The following ADAMTS17 variants were observed in gnomAD, a reference collection of about 807,000 sequenced individuals.
ADAMTS17 encodes the protein A disintegrin and metalloproteinase with thrombospondin motifs 17.
Under a neutral mutation model 141.5 loss-of-function variants are expected in ADAMTS17, and 113 were observed. The observed-to-expected ratio is 0.80, with a 90% CI of 0.69 to 0.93. The LOEUF (loss-of-function observed/expected upper bound fraction) is 0.93, where lower values mean the gene tolerates loss of function less well. Among genes scored for constraint, ADAMTS17 ranks in the 40% least tolerant of loss-of-function variants. ADAMTS17 has a pLI of 0.00. For missense variants in ADAMTS17, 1,659 were observed against 1,517.9 expected (o/e 1.09, Z -1.54); for synonymous variants, 768 against 630.6 (o/e 1.22, Z -3.27).
chr15:100,072,883 C>T (rs996363646), intron 15 of ADAMTS17, among the ~76,000 whole-genome samples: 7 of 152,180 alleles, frequency 4.6e-5, no homozygotes, highest in African/African-American at 1.7e-4. Context: ...AAAGCAATGG[C>T]AACAAAAGCC....
intron 8 of ADAMTS17, among the ~76,000 whole-genome samples, chr15:100,195,106 C>T (rs775027400): frequency 2.1e-4 from 32 of 152,360 alleles, no homozygotes; most frequent in Middle Eastern, 6.8e-3. Flanking sequence ...TAGCCTTTCA[C>T]GGGCAAGAAG....
intron 2 of ADAMTS17, among the ~76,000 whole-genome samples, chr15:100,337,715 C>A (rs894145202): frequency 3.3e-5 from 5 of 152,338 alleles, no homozygotes; most frequent in African/African-American, 1.2e-4. Flanking sequence ...AGACCAAACC[C>A]GACAGCAGGG....
At chr15:100,017,229 C>T (rs1187433855) in intron 18 of ADAMTS17, among the ~76,000 whole-genome samples, 2 of 152,198 alleles carry the variant, frequency 1.3e-5, no homozygotes, top group African/African-American at 4.8e-5. Context: ...CCCTCAACAG[C>T]CCCGAGTCTG....
At chr15:100,206,281 T>C (rs1308366254) in intron 7 of ADAMTS17, among the ~76,000 whole-genome samples, 2 of 152,166 alleles carry the variant, frequency 1.3e-5, no homozygotes, top group Non-Finnish European at 2.9e-5. Context: ...TGGCTGCACC[T>C]CAGCAGCACT....
chr15:100,273,830 TC>T (rs1012668335), intron 4 of ADAMTS17, among the ~76,000 whole-genome samples: 9 of 152,308 alleles, frequency 5.9e-5, no homozygotes, highest in Admixed American at 2.6e-4. Flanking sequence ...GCTATACATT[TC>T]CCCCTAAGCA....
At chr15:100,093,664 C>T (rs8038004) in intron 15 of ADAMTS17, among the ~76,000 whole-genome samples, 30,716 of 151,880 alleles carry the variant, frequency 0.2, 3,763 homozygotes, top group East Asian at 0.52. Flanking sequence ...TGCTGGGGGC[C>T]ACCCTCAGCT....
At chr15:100,302,383 T>C (rs985227677) in intron 3 of ADAMTS17, among the ~76,000 whole-genome samples, 1 of 152,228 alleles carries the variant, frequency 6.6e-6, no homozygotes, top group African/African-American at 2.4e-5. Context: ...CTTACTCAAG[T>C]TTCTGTGTGG....
At chr15:100,002,293 T>G (rs1236563395) in intron 18 of ADAMTS17, among the ~76,000 whole-genome samples, 3 of 152,012 alleles carry the variant, frequency 2.0e-5, no homozygotes, top group African/African-American at 7.3e-5. Context: ...AAAACGGCTT[T>G]GAGTCTGCTC....
chr15:100,009,231 A>AT (rs1337140624), intron 18 of ADAMTS17, among the ~76,000 whole-genome samples: 1 of 152,114 alleles, frequency 6.6e-6, no homozygotes, highest in African/African-American at 2.4e-5. Context: ...CCCTTTACAG[A>AT]GGGAGAAAAC....
chr15:100,144,543 C>T (rs1011519268), intron 10 of ADAMTS17, among the ~76,000 whole-genome samples: 6 of 151,584 alleles, frequency 4.0e-5, no homozygotes, highest in Admixed American at 3.9e-4. Context: ...GAGCAAGACT[C>T]CATCTCGAAA....
At chr15:99,977,396 ATATAATTTTTTTTTTTTT>A (rs2060381402) in intron 20 of ADAMTS17, among the ~76,000 whole-genome samples, 8 of 4,870 alleles carry the variant, frequency 1.6e-3, no homozygotes, top group African/African-American at 3.8e-3. Flanking sequence ...ATATATATAT[ATATAATTTTTTTTTTTTT>A]TTTTTTTTTT....
chr15:100,264,768 G>T (rs1325861955), intron 4 of ADAMTS17, among the ~76,000 whole-genome samples: 1 of 152,074 alleles, frequency 6.6e-6, no homozygotes, highest in Non-Finnish European at 1.5e-5. Context: ...CTAAAAAGGT[G>T]AGAGATGGAA....
At chr15:100,080,102 C>A (rs936362777) in intron 15 of ADAMTS17, among the ~76,000 whole-genome samples, 1 of 151,490 alleles carries the variant, frequency 6.6e-6, no homozygotes, top group Non-Finnish European at 1.5e-5. Context: ...AGGGGTGAAA[C>A]TGAACTGACA....
Position 100,292,130 on chromosome 15 carries a change from G to C in ADAMTS17, c.617-10729C>G, listed in dbSNP as rs202077675. 6.1e-3 allele frequency among the ~76,000 whole-genome samples: 844 copies of C among 137,334 alleles called. 10 individuals are homozygous for C. Among genetic ancestry groups the C allele is most frequent in the East Asian group, 0.024 (100 of 4,226 alleles). 90.1% of individuals were successfully genotyped at this position (137,334 alleles called of 152,430 possible). ...CGTGGGGAGTCACGAGAGACGCTCA[G>C]CCCGTGGGGAGTCACGAGACACGCT... On this transcript the variant is annotated intron_variant, in intron 3 of 21. Coordinates refer to ENST00000268070, the MANE Select transcript of ADAMTS17 (RefSeq NM_139057.4).
intron 18 of ADAMTS17, among the ~76,000 whole-genome samples, chr15:99,999,149 C>T (rs2060866649): frequency 6.6e-6 from 1 of 152,168 alleles, no homozygotes; most frequent in Non-Finnish European, 1.5e-5. Context: ...GTGCCAGGCA[C>T]CTTCTAGGTT....
chr15:100,226,374 G>C (rs2042314002), intron 7 of ADAMTS17, among the ~76,000 whole-genome samples: 1 of 152,254 alleles, frequency 6.6e-6, no homozygotes, highest in Non-Finnish European at 1.5e-5. Context: ...GGGAAAAGGA[G>C]GCTTGGCCCT....
chr15:100,261,776 C>A lies in ADAMTS17; in HGVS notation c.874-140G>T, dbSNP rs903661181. 1.4e-5 allele frequency: 13 copies of A among 955,140 alleles called. 1 individual carries two copies. Among genetic ancestry groups the A allele is most frequent in the East Asian group, 2.6e-5 (1 of 38,284 alleles). The allele number at this position is 955,140 out of a possible 1,614,324, so 59.2% of individuals were successfully genotyped here. A position where few individuals can be genotyped will look rare whatever the true frequency, so the allele number is the denominator to read the frequency against. On this transcript the variant is annotated intron_variant, in intron 5 of 21. Transcript: ENST00000268070. ...ATGACTCACGGCCCTCGAAGAAAAGCCTGATGCTAGTGGGTACGTGGCATA... is the reference window on the plus strand; with the variant it reads ...ATGACTCACGGCCCTCGAAGAAAAGACTGATGCTAGTGGGTACGTGGCATA...
rs564198367 is a variant in ADAMTS17 at position 100,051,662 on chromosome 15, C to T, written c.2365G>A (p.Glu789Lys). The T allele has an allele frequency of 8.1e-6, 13 of 1,614,220 alleles. No homozygotes were observed. The African/African-American group carries it at 1.6e-4, about 20-fold the overall frequency. Residue 789 changes from glutamate (E) to lysine (K), a missense_variant, in exon 17 of 22, where the codon GAA becomes AAA. Glu to Lys is a moderately conservative substitution (Grantham distance 56). Transcript: ENST00000268070. Reference sequence around the variant, plus strand: ...GGTTTTTCTGGTTCGCTTTGATTTTCCGCAGTGCGGTTTACAGGAACAGTG... The same window carrying T: ...GGTTTTTCTGGTTCGCTTTGATTTTTCGCAGTGCGGTTTACAGGAACAGTG... ...EYTVPVNRTAENQSEPEKPQD... is the reference protein window; with the variant it reads ...EYTVPVNRTAKNQSEPEKPQD...
chr15:99,974,641 G>T, intron 21 of ADAMTS17, 79 bp from the exon 22 acceptor site: 2 of 1,579,806 alleles, frequency 1.3e-6, no homozygotes, highest in Non-Finnish European at 1.7e-6. Flanking sequence ...GAGGGCTTGT[G>T]GTCTGACCGT....
Sources: gnomAD v4.1 joint callset for allele counts (sites outside exome capture counted in the v4.1 genomes callset) on GRCh38, gnomAD v4.1.1 for gene constraint, MANE v1.5 for transcripts, NCBI Gene and HGNC (gene_info 2026-07-23, HGNC 2026-07-21) for gene names.